Variants in SERPINB4 observed in about 807,000 individuals in gnomAD.
SERPINB4 encodes the protein serpin B4.
A neutral mutation model predicts 33.2 loss-of-function variants in SERPINB4; 39 were observed. The ratio of observed to expected loss-of-function variants is 1.18; its 90% confidence interval spans 0.91 to 1.53. The LOEUF is 1.53. Among genes scored for constraint, SERPINB4 ranks in the 40% most tolerant of loss-of-function variants. The probability of loss-of-function intolerance (pLI) is 0.00; values close to 1 mark genes in which losing one functional copy is unlikely to be tolerated. For synonymous variants in SERPINB4, 191 were observed against 166.4 expected (o/e 1.15, Z -1.14); for missense variants, 564 against 455.4 (o/e 1.24, Z -2.17).
rs1377072067 is a variant in SERPINB4, at chr18:63,638,069, T to C, written c.823A>G (p.Met275Val). The change falls in exon 8 of 8, where the codon ATG becomes GTG. Residue 275 changes from methionine to valine, a missense_variant. Met to Val is a conservative substitution (Grantham distance 21). Transcript: ENST00000341074. ...TGTAAATCGACACATGTCTCTCTCATATTCTGCAAACTTGTCCATTCCATC... is the reference window on the plus strand; with the variant it reads ...TGTAAATCGACACATGTCTCTCTCACATTCTGCAAACTTGTCCATTCCATC... ...KLMEWTSLQN[M>V]RETCVDLHLP... 2 of 1,613,486 alleles carry C rather than the reference T, an allele frequency of 1.2e-6. No individual in the cohort carries two copies. Among genetic ancestry groups the C allele is most frequent in the Admixed American group, 1.7e-5 (1 of 59,862 alleles).
chr18:63,644,098 A>G (rs1026463632), intron 1 of SERPINB4, 111 bp downstream of exon 1: 1 of 155,630 alleles, frequency 6.4e-6, no homozygotes, highest in African/African-American at 2.4e-5. Context: ...TGGCAGAATA[A>G]GTAAAATATA....
intron 5 of SERPINB4, among the ~76,000 whole-genome samples, chr18:63,640,208 T>C (rs1384332580): frequency 6.6e-6 from 1 of 152,046 alleles, no homozygotes; most frequent in Non-Finnish European, 1.5e-5. Flanking sequence ...GATGAGTGAC[T>C]TGAGCTCTGT....
Position 63,637,722 on chromosome 18 carries a change from T to C in SERPINB4, c.1170A>G (p.Pro390=), listed in dbSNP as rs777157478. The C allele has an allele frequency of 1.6e-4, 257 of 1,601,340 alleles. 2 individuals carry two copies. The Middle Eastern group carries it at 3.7e-3, about 23-fold the overall frequency. Residue 390 remains proline, a synonymous_variant, in exon 8 of 8, where the codon CCA becomes CCG. Transcript: ENST00000341074. ...SILFYGRFSS[P] The stretch of plus-strand genomic sequence containing the variant: ...TGGAGTGACAGACTAATTGCATCTA[T>C]GGGGATGAGAATCTGCCATAGAAGA...
rs1468821972 is a variant in SERPINB4 at position 63,643,470 on chromosome 18, T to C, written c.108A>G (p.Ser36=). Reference sequence around the variant, plus strand: ...CTCCTAAGAGGACCATCCCTAATGCTGATGTGATGCTGATAGGGGAATAGA... The same window carrying C: ...CTCCTAAGAGGACCATCCCTAATGCCGATGTGATGCTGATAGGGGAATAGA... ...NIFYSPISIT[S]ALGMVLLGAK... Residue 36 remains serine (S), a synonymous_variant, in exon 2 of 8, where the codon TCA becomes TCG. Coordinates refer to ENST00000341074, the MANE Select transcript of SERPINB4 (RefSeq NM_002974.4). The C allele has an allele frequency of 6.2e-7, 1 of 1,613,732 alleles. No homozygotes were observed. The highest frequency in any genetic ancestry group is 2.2e-5 in the East Asian group (1 of 44,866).
At chr18:63,640,206 A>G (rs1323192554) in intron 5 of SERPINB4, among the ~76,000 whole-genome samples, 1 of 151,864 alleles carries the variant, frequency 6.6e-6, no homozygotes, top group Non-Finnish European at 1.5e-5. Flanking sequence ...AGGATGAGTG[A>G]CTTGAGCTCT....
intron 1 of SERPINB4, among the ~76,000 whole-genome samples, chr18:63,643,934 A>C (rs1404762728): frequency 1.3e-5 from 2 of 152,062 alleles, no homozygotes; most frequent in South Asian, 4.2e-4. Flanking sequence ...ATCACATCCA[A>C]CCAGCTGTTA....
chr18:63,643,184 T>C lies in SERPINB4; in HGVS notation c.199A>G (p.Thr67Ala), dbSNP rs765500091. 1.2e-5 allele frequency: 19 copies of C among 1,613,274 alleles called. No homozygotes were observed. The highest frequency in any genetic ancestry group is 1.4e-5 in the Non-Finnish European group (17 of 1,179,584). ...ACATGATATGTTGCAGCTTTTTCTG[T>C]GGTGTTCTCTGTGACTTGATCAAAG... The part of the protein sequence containing the change: ...LHFDQVTENT[T>A]EKAATYHVDR... Residue 67 changes from threonine to alanine, a missense_variant, in exon 3 of 8, where the codon ACA becomes GCA. Physicochemically the swap from Thr to Ala is moderately conservative, Grantham distance 58. Transcript: ENST00000341074.
Position 63,637,790 on chromosome 18 carries a change from G to C in SERPINB4, c.1102C>G (p.Pro368Ala). 4.3e-6 allele frequency: 7 copies of C among 1,613,422 alleles called. 1 individual carries two copies. Among genetic ancestry groups the C allele is most frequent in the Non-Finnish European group, 5.9e-6 (7 of 1,179,640 alleles). ...STNEEFCCNHPFLFFIRQNKT... is the reference protein window; with the variant it reads ...STNEEFCCNHAFLFFIRQNKT... ...TTTTGCCTTATGAAGAATAGGAAAG[G>C]GTGATTACAACAGAACTCTTCATTA... Residue 368 changes from proline to alanine, a missense_variant, in exon 8 of 8, where the codon CCT becomes GCT. Coordinates refer to ENST00000341074, the MANE Select transcript of SERPINB4 (RefSeq NM_002974.4).
At position 63,637,909 on chromosome 18, in the gene SERPINB4, A is replaced by G. The variant is rs766226156; in HGVS notation, c.983T>C (p.Val328Ala). Reference protein sequence around the residue: ...TWSHGLSVSKVLHKAFVEVTE... With the variant: ...TWSHGLSVSKALHKAFVEVTE... ...GACCTCCACAAAGGCCTTGTGTAGG[A>G]CTTTAGATACTGAGAGACCGTGGCT... The change falls in exon 8 of 8, where the codon GTC (valine) becomes GCC (alanine). Residue 328 changes from valine to alanine, a missense_variant. Coordinates refer to ENST00000341074, the MANE Select transcript of SERPINB4 (RefSeq NM_002974.4). 8.1e-6 allele frequency: 13 copies of G among 1,613,518 alleles called. No individual in the cohort carries two copies. The South Asian group carries it at 1.2e-4, about 15-fold the overall frequency.
In SERPINB4 at chr18:63,638,063, C is replaced by T. The variant is rs1448193250; in HGVS notation, c.829G>A (p.Glu277Lys). 2.5e-6 allele frequency: 4 copies of T among 1,613,390 alleles called. No individual in the cohort carries two copies. The Admixed American group carries it at 5.0e-5, about 20-fold the overall frequency. Reference sequence around the variant, plus strand: ...GGTAAGTGTAAATCGACACATGTCTCTCTCATATTCTGCAAACTTGTCCAT... The same window carrying T: ...GGTAAGTGTAAATCGACACATGTCTTTCTCATATTCTGCAAACTTGTCCAT... ...MEWTSLQNMR[E>K]TCVDLHLPRF... The change falls in exon 8 of 8, where the codon GAG becomes AAG. Residue 277 changes from glutamate (E) to lysine (K), a missense_variant. Physicochemically the swap from Glu to Lys is moderately conservative, Grantham distance 56. Transcript: ENST00000341074.
At chr18:63,638,806 T>G (rs577284336) in intron 7 of SERPINB4, among the ~76,000 whole-genome samples, 12 of 107,670 alleles carry the variant, frequency 1.1e-4, no homozygotes, top group Middle Eastern at 8.6e-3. Flanking sequence ...CTCTGAGGAC[T>G]GTTGTGGGGT....
chr18:63,642,174 G>A (rs1302900674), intron 3 of SERPINB4, among the ~76,000 whole-genome samples: 1 of 152,056 alleles, frequency 6.6e-6, no homozygotes, highest in Admixed American at 6.6e-5. Flanking sequence ...TGGTTTAAAG[G>A]GTTAGGTTTA....
chr18:63,637,498 G>C lies in SERPINB4; in HGVS notation c.*221C>G, dbSNP rs1456286108. 3 of 454,630 alleles carry C rather than the reference G, an allele frequency of 6.6e-6. No individual in the cohort carries two copies. Among genetic ancestry groups the C allele is most frequent in the Non-Finnish European group, 1.1e-5 (3 of 263,660 alleles). 28.2% of individuals were successfully genotyped at this position (454,630 alleles called of 1,614,324 possible). On this transcript the variant is annotated 3_prime_UTR_variant, in exon 8 of 8. Transcript: ENST00000341074. ...CTTATCTTGGACATTTTTCCTCAAG[G>C]GAAATTTTTCTGGAAGGAAAAGTAC...
At chr18:63,640,359 C>T (rs1913085365) in intron 5 of SERPINB4, among the ~76,000 whole-genome samples, 1 of 152,012 alleles carries the variant, frequency 6.6e-6, no homozygotes, top group Non-Finnish European at 1.5e-5. Context: ...GAGACTTTGT[C>T]AAGCTCTTTG....
Position 63,637,336 on chromosome 18 carries a change from T to C in SERPINB4, c.*383A>G, listed in dbSNP as rs1912955191. Reference sequence around the variant, plus strand: ...TAGAAACATAAGAAGGATTTAGGTATCACCTAAATTCAAAGAAATGTGTGT... The same window carrying C: ...TAGAAACATAAGAAGGATTTAGGTACCACCTAAATTCAAAGAAATGTGTGT... On this transcript the variant is annotated 3_prime_UTR_variant, in exon 8 of 8. Transcript: ENST00000341074. 1.2e-5 allele frequency: 2 copies of C among 163,584 alleles called. No homozygotes were observed. The highest frequency in any genetic ancestry group is 3.9e-4 in the South Asian group (2 of 5,130). The allele number at this position is 163,584 out of a possible 1,614,324, so 10.1% of individuals were successfully genotyped here.
In SERPINB4 at chr18:63,643,469, C is replaced by T. The variant is rs774195342; in HGVS notation, c.109G>A (p.Ala37Thr). The T allele has an allele frequency of 4.3e-6, 7 of 1,613,708 alleles. No homozygotes were observed. Among genetic ancestry groups the T allele is most frequent in the Non-Finnish European group, 5.9e-6 (7 of 1,179,760 alleles). ...GCTCCTAAGAGGACCATCCCTAATG[C>T]TGATGTGATGCTGATAGGGGAATAG... ...IFYSPISITS[A>T]LGMVLLGAKD... The change falls in exon 2 of 8, where the codon GCA becomes ACA. Residue 37 changes from alanine to threonine, a missense_variant. By Grantham distance (58) the Ala-to-Thr change is moderately conservative (BLOSUM62 0). Coordinates refer to ENST00000341074, the MANE Select transcript of SERPINB4 (RefSeq NM_002974.4).
At chr18:63,638,163 C>G (rs374928839) in intron 7 of SERPINB4, 40 bp from the exon 8 acceptor site, 8 of 1,589,262 alleles carry the variant, frequency 5.0e-6, no homozygotes, top group Non-Finnish European at 6.9e-6. Flanking sequence ...GACTAACTGT[C>G]GATCTCTAAT....
At chr18:63,643,329 C>G (rs775438898) in intron 2 of SERPINB4, 84 bp downstream of exon 2, 37 of 1,608,700 alleles carry the variant, frequency 2.3e-5, no homozygotes, top group Non-Finnish European at 2.9e-5. Flanking sequence ...CCCATCAGAC[C>G]ACCACATCTA....
intron 6 of SERPINB4, 103 bp downstream of exon 6, chr18:63,639,531 T>C: frequency 9.6e-7 from 1 of 1,038,846 alleles, no homozygotes; most frequent in Non-Finnish European, 1.4e-6. Flanking sequence ...ATAACAGACA[T>C]GAACAATTTT....
Sources: gnomAD v4.1 joint callset for allele counts (sites outside exome capture counted in the v4.1 genomes callset) on GRCh38, gnomAD v4.1.1 for gene constraint, MANE v1.5 for transcripts, NCBI Gene and HGNC (gene_info 2026-07-23, HGNC 2026-07-21) for gene names.